Variants in ZNF768 observed in about 807,000 individuals in gnomAD.
ZNF768 encodes the protein zinc finger protein 768.
ZNF768 carries 12 observed loss-of-function variants against 39.7 expected under a neutral mutation model. The ratio of observed to expected loss-of-function variants is 0.30; its 90% confidence interval spans 0.19 to 0.49. The LOEUF (loss-of-function observed/expected upper bound fraction) is 0.49. ZNF768 is among the 20% of genes least tolerant of loss of function. The pLI, the probability that ZNF768 is intolerant of heterozygous loss-of-function variation, is 0.99. For missense variants in ZNF768, 613 were observed against 723.2 expected (o/e 0.85, Z 1.75); for synonymous variants, 360 against 288.4 (o/e 1.25, Z -2.52).
Position 30,526,444 on chromosome 16 carries a change from C to T in ZNF768, c.-31G>A, listed in dbSNP as rs1284489050. The T allele has an allele frequency of 6.6e-7, 1 of 1,518,528 alleles. No individual in the cohort carries two copies. The highest frequency in any genetic ancestry group is 2.7e-5 in the East Asian group (1 of 36,754). The allele number at this position is 1,518,528 out of a possible 1,614,324, so 94.1% of individuals were successfully genotyped here. On this transcript the variant is annotated 5_prime_UTR_variant, in exon 1 of 2. Transcript: ENST00000380412. ...CGGGCTCCCAGTGCAGCGGCGGCGGCGATGGCGGCCGATCCCGCGACCCGG... is the reference window on the plus strand; with the variant it reads ...CGGGCTCCCAGTGCAGCGGCGGCGGTGATGGCGGCCGATCCCGCGACCCGG...
At chr16:30,529,851 T>G, upstream of ZNF768, among the ~76,000 whole-genome samples, 1 of 140,546 alleles carries the variant, frequency 7.1e-6, no homozygotes, top group African/African-American at 2.7e-5. Context: ...TGAGACAGAG[T>G]CTCGCTCTGT....
In ZNF768 at chr16:30,524,622, G is replaced by T. The variant is rs770477596; in HGVS notation, c.1518C>A (p.Val506=). 2 of 1,613,024 alleles carry T rather than the reference G, an allele frequency of 1.2e-6. No homozygotes were observed. Among genetic ancestry groups the T allele is most frequent in the South Asian group, 2.2e-5 (2 of 91,070 alleles). ...RSSTLLQHHR[V]HSGERPYKCD... ...ACTTGTAAGGCCGCTCGCCACTGTGGACCCGGTGATGCTGCAGAAGCGTGG... is the reference window on the plus strand; with the variant it reads ...ACTTGTAAGGCCGCTCGCCACTGTGTACCCGGTGATGCTGCAGAAGCGTGG... The change falls in exon 2 of 2, where the codon GTC becomes GTA. Residue 506 remains valine, a synonymous_variant. Coordinates refer to ENST00000380412, the MANE Select transcript of ZNF768 (RefSeq NM_024671.4).
In ZNF768 at chr16:30,524,471, C is replaced by T. The variant is rs1421828142; in HGVS notation, c.*46G>A. 1.3e-6 allele frequency: 2 copies of T among 1,563,282 alleles called. No individual in the cohort carries two copies. The highest frequency in any genetic ancestry group is 1.8e-5 in the Admixed American group (1 of 54,954). ...CCTAAAGGTTCCTCTAGCTCCCTGG[C>T]CCCTTATCTTCTGCCCACACCTCCC... On this transcript the variant is annotated 3_prime_UTR_variant, in exon 2 of 2. Transcript: ENST00000380412.
chr16:30,532,388 G>T, the ZNF768 span: 1 of 1,271,594 alleles, frequency 7.9e-7, no homozygotes, highest in Non-Finnish European at 1.1e-6. Context: ...CGCACCCCAG[G>T]CCAGCTCTTG....
Position 30,525,913 on chromosome 16 carries a change from C to T in ZNF768, c.227G>A (p.Ser76Asn). The change falls in exon 2 of 2, where the codon AGC becomes AAC. Residue 76 changes from serine to asparagine, a missense_variant. Around this residue, in one of 4 missense-constraint regions of ZNF768, gnomAD observed 347 missense variants for 326.1 expected, o/e 1.06. Transcript: ENST00000380412. Reference protein sequence around the residue: ...EPQSPEFEPQSPRFEPESPGF... With the variant: ...EPQSPEFEPQNPRFEPESPGF... ...CGGGCTTTCAGGCTCAAATCTGGGG[C>T]TTTGGGGTTCAAACTCTGGGCTTTG... 1 of 1,519,296 alleles carries T rather than the reference C, an allele frequency of 6.6e-7. No individual in the cohort carries two copies. 94.1% of individuals were successfully genotyped at this position (1,519,296 alleles called of 1,614,324 possible). A position where few individuals can be genotyped will look rare whatever the true frequency, so the allele number is the denominator to read the frequency against.
chr16:30,524,121 AC>A lies in ZNF768; in HGVS notation c.*395del, dbSNP rs2051296690. On this transcript the variant is annotated 3_prime_UTR_variant, in exon 2 of 2. Coordinates refer to ENST00000380412, the MANE Select transcript of ZNF768 (RefSeq NM_024671.4). ...GCCCCACCCCGGGGCCCCACTCCCC[AC>A]CCCACCTACCTTTTACCCGCTCCTG... 1 of 169,090 alleles carries A rather than the reference AC, an allele frequency of 5.9e-6. No homozygotes were observed. Among genetic ancestry groups the A allele is most frequent in the African/African-American group, 2.5e-5 (1 of 40,618 alleles). 10.5% of individuals were successfully genotyped at this position (169,090 alleles called of 1,614,324 possible). A position where few individuals can be genotyped will look rare whatever the true frequency, so the allele number is the denominator to read the frequency against.
upstream of ZNF768, among the ~76,000 whole-genome samples, chr16:30,529,682 C>A (rs2051353679): frequency 6.6e-6 from 1 of 152,182 alleles, no homozygotes; most frequent in African/African-American, 2.4e-5. Flanking sequence ...GGACCAACCA[C>A]TACTCTTGCA....
At chr16:30,531,190 A>G (rs547519463), upstream of ZNF768, 1 of 152,332 alleles carries the variant, frequency 6.6e-6, no homozygotes, top group African/African-American at 2.4e-5. Context: ...ACTAAAAGCA[A>G]GCCATGATGA....
chr16:30,527,905 A>G (rs891789219), upstream of ZNF768: 3 of 152,246 alleles, frequency 2.0e-5, no homozygotes, highest in African/African-American at 4.8e-5. Context: ...ACAACTCTCC[A>G]GTCTTGTCTG....
In ZNF768 at chr16:30,525,130, CGCTGGTGGCGAAGCAGGTAAGA is replaced by C. The variant is rs1478291119; in HGVS notation, c.988_1009del (p.Ser330AlafsTer224). The stretch of plus-strand genomic sequence containing the variant: ...GTAGGGCTTCTGGCCAGAGTGAGTG[CGCTGGTGGCGAAGCAGGTAAGA>C]GCTGTCGGCGAAGGCCTTGCCGCAA... On this transcript the variant is annotated frameshift_variant, in exon 2 of 2. Transcript: ENST00000380412. LOFTEE classifies it high-confidence loss of function. 2 of 1,614,098 alleles carry C rather than the reference CGCTGGTGGCGAAGCAGGTAAGA, an allele frequency of 1.2e-6. No individual in the cohort carries two copies. The highest frequency in any genetic ancestry group is 1.7e-6 in the Non-Finnish European group (2 of 1,179,990).
At chr16:30,526,085 C>T in intron 1 of ZNF768, 34 bp from the exon 2 acceptor site, 1 of 1,494,536 alleles carries the variant, frequency 6.7e-7, no homozygotes, top group Non-Finnish European at 8.9e-7. Context: ...CGTGTGAGAC[C>T]TGGAAGGTCA....
chr16:30,529,821 G>GTTT (rs1272934657), upstream of ZNF768, among the ~76,000 whole-genome samples: 13 of 132,722 alleles, frequency 9.8e-5, no homozygotes, highest in African/African-American at 1.4e-4. Context: ...GGAGTAGCTA[G>GTTT]TTTTTTTTTT....
At chr16:30,531,047 C>T (rs1317725215), upstream of ZNF768, 2 of 152,264 alleles carry the variant, frequency 1.3e-5, no homozygotes, top group Admixed American at 6.5e-5. Flanking sequence ...CCCATGATGG[C>T]ACATACTTAA....
At chr16:30,526,232 G>A in intron 1 of ZNF768, 94 bp downstream of exon 1, 1 of 1,568,812 alleles carries the variant, frequency 6.4e-7, no homozygotes, top group Non-Finnish European at 8.6e-7. Context: ...TCGAGTCCCA[G>A]GTGTCCCAGC....
Position 30,524,237 on chromosome 16 carries a change from T to C in ZNF768, c.*280A>G, listed in dbSNP as rs561580626. ...CCTCCCCCCTCCCTGCTCTAGCAGT[T>C]GCCAAGCCAGGCACCCACCAAGGAG... On this transcript the variant is annotated 3_prime_UTR_variant, in exon 2 of 2. Transcript: ENST00000380412. 57 of 267,338 alleles carry C rather than the reference T, an allele frequency of 2.1e-4. No homozygotes were observed. The highest frequency in any genetic ancestry group is 1.3e-3 in the African/African-American group (56 of 42,406). 16.6% of individuals were successfully genotyped at this position (267,338 alleles called of 1,614,324 possible). A position where few individuals can be genotyped will look rare whatever the true frequency, so the allele number is the denominator to read the frequency against.
In ZNF768 at chr16:30,524,626, C is replaced by T. The variant is rs2051302994; in HGVS notation, c.1514G>A (p.Arg505Gln). 2 of 1,612,866 alleles carry T rather than the reference C, an allele frequency of 1.2e-6. No individual in the cohort carries two copies. Among genetic ancestry groups the T allele is most frequent in the Non-Finnish European group, 1.7e-6 (2 of 1,179,934 alleles). The change falls in exon 2 of 2, where the codon CGG becomes CAG. Residue 505 changes from arginine (R) to glutamine (Q), a missense_variant. Arg to Gln is a conservative substitution (Grantham distance 43, BLOSUM62 1). This residue lies in a region of ZNF768 where 204 missense variants were observed against 281.7 expected (regional missense o/e 0.72). Transcript: ENST00000380412. ...GTAAGGCCGCTCGCCACTGTGGACCCGGTGATGCTGCAGAAGCGTGGAGGA... is the reference window on the plus strand; with the variant it reads ...GTAAGGCCGCTCGCCACTGTGGACCTGGTGATGCTGCAGAAGCGTGGAGGA... ...CRSSTLLQHH[R>Q]VHSGERPYKC... is the part of the protein sequence containing the mutation.
chr16:30,526,564 T>C lies in ZNF768; in HGVS notation c.-151A>G, dbSNP rs1331326375. On this transcript the variant is annotated 5_prime_UTR_variant, in exon 1 of 2. Coordinates refer to ENST00000380412, the MANE Select transcript of ZNF768 (RefSeq NM_024671.4). ...CAGCCCGGGCCCCCGAGGCCGGACG[T>C]CTTGACCCCGCGCCTCTCCAGCGCG... The C allele has an allele frequency of 4.8e-6, 5 of 1,049,756 alleles. No individual in the cohort carries two copies. Among genetic ancestry groups the C allele is most frequent in the Admixed American group, 5.5e-5 (1 of 18,084 alleles). 65.0% of individuals were successfully genotyped at this position (1,049,756 alleles called of 1,614,324 possible).
chr16:30,524,740 T>C lies in ZNF768; in HGVS notation c.1400A>G (p.Asn467Ser), dbSNP rs138667105. ...YSCPDCGKTF[N>S]RSSTLIQHQR... ...GTGCTGGATGAGAGTGGAGGAGCGA[T>C]TGAAGGTCTTGCCGCAGTCGGGGCA... Residue 467 changes from asparagine (N) to serine (S), a missense_variant, in exon 2 of 2, where the codon AAT becomes AGT. Transcript: ENST00000380412. The C allele has an allele frequency of 1.9e-4, 298 of 1,592,080 alleles. 2 individuals are homozygous for C. Among genetic ancestry groups the C allele is most frequent in the South Asian group, 4.5e-4 (40 of 88,414 alleles).
At chr16:30,526,109 C>T (rs2051321124) in intron 1 of ZNF768, 58 bp from the exon 2 acceptor site, 2 of 1,492,816 alleles carry the variant, frequency 1.3e-6, no homozygotes, top group South Asian at 1.4e-5. Flanking sequence ...GGTCCATTAG[C>T]AACCACACAC....
Sources: allele counts gnomAD v4.1 joint callset (sites outside exome capture counted in the v4.1 genomes callset), GRCh38; gene constraint gnomAD v4.1.1; regional missense constraint gnomAD v4.1.1; transcripts MANE v1.5; gene names NCBI Gene and HGNC (gene_info 2026-07-23, HGNC 2026-07-21).